The following NALF1 variants were observed in gnomAD, a reference collection of about 807,000 sequenced individuals.
NALF1 encodes the protein NALCN channel auxiliary factor 1.
Under a neutral mutation model 48.4 loss-of-function variants are expected in NALF1, and 3 were observed. The ratio of observed to expected loss-of-function variants is 0.06; its 90% confidence interval spans 0.03 to 0.16. The LOEUF is 0.16. Ranked by LOEUF, NALF1 falls within the 10% of genes least tolerant of loss-of-function variation. The pLI, the probability that NALF1 is intolerant of heterozygous loss-of-function variation, is 1.00. For missense variants in NALF1, 526 were observed against 571.5 expected, an observed-to-expected ratio of 0.92 and a Z score of 0.81; for synonymous variants, 262 against 245.7, an observed-to-expected ratio of 1.07 and a Z score of -0.62.
At chr13:107,706,916 T>A (rs1385465006) in intron 1 of NALF1, among the ~76,000 whole-genome samples, 1 of 100,528 alleles carries the variant, frequency 9.9e-6, no homozygotes, top group Admixed American at 1.3e-4. Flanking sequence ...ATCAAGGGCA[T>A]TCTTTTTTTT....
intron 1 of NALF1, among the ~76,000 whole-genome samples, chr13:107,831,561 G>C (rs1200343596): frequency 6.6e-6 from 1 of 152,056 alleles, no homozygotes; most frequent in Non-Finnish European, 1.5e-5. Context: ...TAAAATTACT[G>C]AGTAGTGCTG....
chr13:107,622,248 G>A (rs775127238), intron 1 of NALF1, among the ~76,000 whole-genome samples: 4 of 151,870 alleles, frequency 2.6e-5, no homozygotes, highest in African/African-American at 4.8e-5. Flanking sequence ...GAACAACATG[G>A]AGAAACCCCG....
intron 1 of NALF1, among the ~76,000 whole-genome samples, chr13:107,219,163 G>A (rs1330486531): frequency 6.6e-6 from 1 of 152,156 alleles, no homozygotes; most frequent in African/African-American, 2.4e-5. Flanking sequence ...GGCCGTGGAT[G>A]GATATAACTC....
chr13:107,355,951 G>A (rs957913250), intron 1 of NALF1, among the ~76,000 whole-genome samples: 1 of 152,156 alleles, frequency 6.6e-6, no homozygotes, highest in Non-Finnish European at 1.5e-5. Context: ...CATTGATAAA[G>A]GTTCTGGCCC....
rs115401319 is a variant in NALF1 at position 107,731,516 on chromosome 13, C to T, written c.915+134166G>A. ...TGTCACCCAGTATTAAGTCTAGTACCCAACAGTTATTATTTTCTGTTGCTC... is the reference window on the plus strand; with the variant it reads ...TGTCACCCAGTATTAAGTCTAGTACTCAACAGTTATTATTTTCTGTTGCTC... On this transcript the variant is annotated intron_variant, in intron 1 of 2. Transcript: ENST00000375915. Among the ~76,000 whole-genome samples, 613 of 152,008 alleles carry T rather than the reference C, an allele frequency of 4.0e-3. 4 individuals are homozygous for T. Among genetic ancestry groups the T allele is most frequent in the African/African-American group, 0.014 (586 of 41,464 alleles).
chr13:107,815,436 G>A (rs1304564109), intron 1 of NALF1, among the ~76,000 whole-genome samples: 1 of 152,026 alleles, frequency 6.6e-6, no homozygotes, highest in Non-Finnish European at 1.5e-5. Context: ...CAATCACTGA[G>A]ATAAAAATCA....
intron 1 of NALF1, among the ~76,000 whole-genome samples, chr13:107,777,539 G>C (rs1022625961): frequency 6.6e-6 from 1 of 152,112 alleles, no homozygotes; most frequent in Non-Finnish European, 1.5e-5. Context: ...GTTTAAAAGC[G>C]TGTGGCACCT....
At chr13:107,298,131 C>T (rs1025368174) in intron 1 of NALF1, among the ~76,000 whole-genome samples, 6 of 151,714 alleles carry the variant, frequency 4.0e-5, no homozygotes, top group East Asian at 3.9e-4. Context: ...GGGTGGAACA[C>T]GAGGTCAGGA....
intron 1 of NALF1, among the ~76,000 whole-genome samples, chr13:107,748,172 A>G (rs1374799115): frequency 6.6e-6 from 1 of 152,198 alleles, no homozygotes; most frequent in Non-Finnish European, 1.5e-5. Flanking sequence ...TGTGAAAAGG[A>G]TAAGAAAATG....
intron 2 of NALF1, among the ~76,000 whole-genome samples, chr13:107,196,295 TTAAAA>T (rs1236730098): frequency 3.9e-5 from 6 of 152,124 alleles, no homozygotes; most frequent in African/African-American, 1.4e-4. Context: ...ACCCCTGAAC[TTAAAA>T]TAAAAGTTTA....
intron 1 of NALF1, among the ~76,000 whole-genome samples, chr13:107,748,800 T>C (rs1299053266): frequency 2.6e-5 from 4 of 152,330 alleles, no homozygotes; most frequent in Non-Finnish European, 4.4e-5. Context: ...ATTATATTAT[T>C]TGGGTTTTAC....
chr13:107,421,337 T>C (rs1225523948), intron 1 of NALF1, among the ~76,000 whole-genome samples: 2 of 152,206 alleles, frequency 1.3e-5, no homozygotes, highest in African/African-American at 4.8e-5. Context: ...TGCTCTAGTA[T>C]ATCTTACTTG....
intron 1 of NALF1, among the ~76,000 whole-genome samples, chr13:107,508,669 G>A (rs908698625): frequency 6.6e-6 from 1 of 151,882 alleles, no homozygotes; most frequent in African/African-American, 2.4e-5. Flanking sequence ...TGAGCAGTTT[G>A]CTAAAAAAGC....
At chr13:107,838,548 A>C (rs1428257927) in intron 1 of NALF1, among the ~76,000 whole-genome samples, 1 of 152,170 alleles carries the variant, frequency 6.6e-6, no homozygotes, top group African/African-American at 2.4e-5. Context: ...GTAACAGGTA[A>C]CTGGCAGGAG....
intron 1 of NALF1, among the ~76,000 whole-genome samples, chr13:107,603,349 C>CA (rs1167882218): frequency 6.6e-6 from 1 of 152,064 alleles, no homozygotes; most frequent in Non-Finnish European, 1.5e-5. Context: ...ATGTGCTAGC[C>CA]AAAATTGCTC....
chr13:107,476,500 T>A (rs7339001), intron 1 of NALF1, among the ~76,000 whole-genome samples: 74,478 of 151,858 alleles, frequency 0.49, 18,583 homozygotes, highest in Middle Eastern at 0.54. Flanking sequence ...TTATTAAATC[T>A]ATCTAATTAT....
chr13:107,688,940 G>T (rs1286235330), intron 1 of NALF1, among the ~76,000 whole-genome samples: 2 of 152,218 alleles, frequency 1.3e-5, no homozygotes, highest in Non-Finnish European at 2.9e-5. Flanking sequence ...CACTGGCGAG[G>T]ATGATGGTGA....
chr13:107,565,384 C>CAA (rs10631309), intron 1 of NALF1, among the ~76,000 whole-genome samples: 82,923 of 119,278 alleles, frequency 0.7, 29,981 homozygotes, highest in East Asian at 0.88. Context: ...GACCTTATCT[C>CAA]AAAAAAAAAA....
At chr13:107,237,555 A>C (rs971109855) in intron 1 of NALF1, among the ~76,000 whole-genome samples, 8 of 152,198 alleles carry the variant, frequency 5.3e-5, no homozygotes, top group African/African-American at 1.9e-4. Context: ...TATACATTAA[A>C]TCATCTCTAG....
Sources: gnomAD v4.1 joint callset for allele counts (sites outside exome capture counted in the v4.1 genomes callset) on GRCh38, gnomAD v4.1.1 for gene constraint, MANE v1.5 for transcripts, NCBI Gene and HGNC (gene_info 2026-07-23, HGNC 2026-07-21) for gene names.